Variants in BICDL1 observed in about 807,000 individuals in gnomAD.
BICDL1 encodes the protein BICD family like cargo adaptor 1.
BICDL1 carries 20 observed loss-of-function variants against 76.8 expected under a neutral mutation model. The observed-to-expected ratio is 0.26, with a 90% CI of 0.18 to 0.38. BICDL1 has a LOEUF of 0.38. BICDL1 is among the 10% of genes least tolerant of loss of function. The pLI is 1.00. For synonymous variants in BICDL1, 383 were observed against 337.1 expected (o/e 1.14, Z -1.49); for missense variants, 700 against 798.6 (o/e 0.88, Z 1.49).
At chr12:119,995,818 C>G (rs536036851) in intron 1 of BICDL1, among the ~76,000 whole-genome samples, 5 of 151,954 alleles carry the variant, frequency 3.3e-5, no homozygotes, top group Admixed American at 6.6e-5. Flanking sequence ...AACCCTGTCT[C>G]TACTAAAAAT....
At chr12:120,088,939 C>G (rs995892340) in intron 8 of BICDL1, among the ~76,000 whole-genome samples, 3 of 152,232 alleles carry the variant, frequency 2.0e-5, no homozygotes, top group Non-Finnish European at 4.4e-5. Context: ...GCTGGAATTA[C>G]AGGGGTGAGC....
intron 2 of BICDL1, chr12:120,018,934 A>G (rs1013619879): frequency 6.6e-6 from 1 of 151,004 alleles, no homozygotes; most frequent in Non-Finnish European, 1.5e-5. Flanking sequence ...AGTCCCAGCT[A>G]CTTGGGAGGC....
At chr12:120,014,840 T>A (rs1004486932) in intron 2 of BICDL1, among the ~76,000 whole-genome samples, 9 of 151,268 alleles carry the variant, frequency 5.9e-5, no homozygotes, top group South Asian at 2.1e-4. Context: ...AAAAAAAAAT[T>A]AAAAAATAAA....
At chr12:120,045,652 A>G (rs1487194188) in intron 2 of BICDL1, among the ~76,000 whole-genome samples, 1 of 151,734 alleles carries the variant, frequency 6.6e-6, no homozygotes, top group Admixed American at 6.6e-5. Context: ...CATCATTCTC[A>G]GTAAACTATC....
chr12:120,048,167 A>G (rs1952784369), intron 2 of BICDL1, among the ~76,000 whole-genome samples: 1 of 151,380 alleles, frequency 6.6e-6, no homozygotes, highest in Non-Finnish European at 1.5e-5. Flanking sequence ...CTAGATGTTG[A>G]TGTCTTATGA....
chr12:120,088,948 G>C (rs1232890332), intron 8 of BICDL1, among the ~76,000 whole-genome samples: 10 of 152,338 alleles, frequency 6.6e-5, no homozygotes, highest in African/African-American at 2.4e-4. Flanking sequence ...ACAGGGGTGA[G>C]CCACCGCACC....
In BICDL1 at chr12:120,008,832, A is replaced by G. The variant is rs188299118; in HGVS notation, c.645+10096A>G. Among the ~76,000 whole-genome samples the G allele has an allele frequency of 2.9e-3, 448 of 152,310 alleles. 3 individuals are homozygous for G. The highest frequency in any genetic ancestry group is 0.01 in the African/African-American group (418 of 41,562). ...GCTAAAACAGAAAAGGGCCTTTTACATAGGAGCTCTCTTCTGTGAAGACAG... is the reference window on the plus strand; with the variant it reads ...GCTAAAACAGAAAAGGGCCTTTTACGTAGGAGCTCTCTTCTGTGAAGACAG... On this transcript the variant is annotated intron_variant, in intron 2 of 9. Coordinates refer to ENST00000548673, the MANE Select transcript of BICDL1 (RefSeq NM_001367886.1).
At chr12:120,012,546 A>G (rs759986381) in intron 2 of BICDL1, among the ~76,000 whole-genome samples, 19 of 152,160 alleles carry the variant, frequency 1.2e-4, no homozygotes, top group Non-Finnish European at 5.9e-5. Flanking sequence ...ACCTCCTCCT[A>G]TGACACTGTC....
chr12:120,017,129 C>T (rs1002487226), intron 2 of BICDL1, among the ~76,000 whole-genome samples: 1 of 152,202 alleles, frequency 6.6e-6, no homozygotes, highest in South Asian at 2.1e-4. Context: ...ATCTCCTGAC[C>T]TTGTGATCCG....
chr12:120,053,330 C>T (rs902794724), intron 2 of BICDL1, among the ~76,000 whole-genome samples: 4 of 152,148 alleles, frequency 2.6e-5, no homozygotes, highest in East Asian at 1.9e-4. Flanking sequence ...GTGATCCACC[C>T]GCCTCGGCCT....
At chr12:120,045,978 A>T (rs1441556775) in intron 2 of BICDL1, among the ~76,000 whole-genome samples, 1 of 152,140 alleles carries the variant, frequency 6.6e-6, no homozygotes, top group Middle Eastern at 3.4e-3. Context: ...AGCCCAAGAT[A>T]GTCATAGTAT....
chr12:120,035,167 C>G (rs1443217876), intron 2 of BICDL1, among the ~76,000 whole-genome samples: 1 of 152,136 alleles, frequency 6.6e-6, no homozygotes, highest in African/African-American at 2.4e-5. Context: ...AAAACCCCAT[C>G]TCTACTAAAA....
intron 2 of BICDL1, among the ~76,000 whole-genome samples, chr12:120,006,076 A>G (rs753723792): frequency 3.9e-5 from 6 of 152,204 alleles, no homozygotes; most frequent in Non-Finnish European, 5.9e-5. Flanking sequence ...GTATGCATAC[A>G]TAGTACAACT....
In BICDL1 at chr12:120,072,585, T is replaced by C. The variant is rs190074635; in HGVS notation, c.1164T>C (p.Ala388=). The C allele has an allele frequency of 1.2e-6, 2 of 1,614,258 alleles. No individual in the cohort carries two copies. Among genetic ancestry groups the C allele is most frequent in the East Asian group, 4.5e-5 (2 of 44,888 alleles). ...CACACCTTCGAGGCAATGACAGTGC[T>C]GACTCAGCCGTCTCCACGGACTCCT... ...LCSHLRGNDS[A]DSAVSTDSSM... The change falls in exon 6 of 10, where the codon GCT becomes GCC. Residue 388 remains alanine, a synonymous_variant. Transcript: ENST00000548673.
intron 9 of BICDL1, chr12:120,091,411 T>G: frequency 3.9e-6 from 4 of 1,014,274 alleles, no homozygotes; most frequent in Non-Finnish European, 4.7e-6. Context: ...GGTTGGTTTT[T>G]GAAAGACCCT....
intron 5 of BICDL1, among the ~76,000 whole-genome samples, chr12:120,072,188 A>T (rs1325855208): frequency 1.3e-5 from 2 of 152,160 alleles, no homozygotes; most frequent in Non-Finnish European, 2.9e-5. Flanking sequence ...CACACTTTTC[A>T]TAATACAGAA....
At chr12:120,017,223 A>G (rs1176576402) in intron 2 of BICDL1, among the ~76,000 whole-genome samples, 2 of 152,186 alleles carry the variant, frequency 1.3e-5, no homozygotes, top group Admixed American at 1.3e-4. Flanking sequence ...CAGCAGATTG[A>G]TAAAACAACA....
At chr12:120,058,842 C>T (rs193220068) in intron 2 of BICDL1, among the ~76,000 whole-genome samples, 1 of 152,158 alleles carries the variant, frequency 6.6e-6, no homozygotes, top group Admixed American at 6.5e-5. Flanking sequence ...CCACCCACCT[C>T]AGCCTCCCAA....
At chr12:120,031,022 A>T (rs1179424850) in intron 2 of BICDL1, among the ~76,000 whole-genome samples, 1 of 152,160 alleles carries the variant, frequency 6.6e-6, no homozygotes, top group Non-Finnish European at 1.5e-5. Context: ...CATAAATTCA[A>T]CCAACAATTA....
Sources: allele counts gnomAD v4.1 joint callset (sites outside exome capture counted in the v4.1 genomes callset), GRCh38; gene constraint gnomAD v4.1.1; transcripts MANE v1.5; gene names NCBI Gene and HGNC (gene_info 2026-07-23, HGNC 2026-07-21).